The following NDUFAF2 variants were observed in gnomAD, a reference collection of about 807,000 sequenced individuals.
NDUFAF2 encodes the protein NADH dehydrogenase [ubiquinone] 1 alpha subcomplex assembly factor 2.
A neutral mutation model predicts 22.8 loss-of-function variants in NDUFAF2; 13 were observed. That is an observed-to-expected ratio of 0.57 (90% CI 0.37 to 0.91). The LOEUF (loss-of-function observed/expected upper bound fraction) is 0.91. Among genes scored for constraint, NDUFAF2 ranks in the 40% least tolerant of loss-of-function variants. NDUFAF2 has a pLI of 0.01. For missense variants in NDUFAF2, 162 were observed against 195.2 expected (o/e 0.83, Z 1.01); for synonymous variants, 53 against 64.2 (o/e 0.83, Z 0.84).
chr5:60,968,126 A>G (rs995665361), intron 1 of NDUFAF2, among the ~76,000 whole-genome samples: 2 of 151,902 alleles, frequency 1.3e-5, no homozygotes, highest in Non-Finnish European at 2.9e-5. Flanking sequence ...TTGTTGGGAA[A>G]TAAGTGTTCA....
intron 1 of NDUFAF2, among the ~76,000 whole-genome samples, chr5:61,054,373 C>G (rs927757373): frequency 2.0e-5 from 3 of 152,122 alleles, no homozygotes; most frequent in African/African-American, 7.2e-5. Context: ...AAATGCAGTT[C>G]AGGCCTGGGA....
At chr5:60,982,656 C>CT (rs960388217) in intron 1 of NDUFAF2, among the ~76,000 whole-genome samples, 30 of 149,090 alleles carry the variant, frequency 2.0e-4, no homozygotes, top group African/African-American at 7.2e-4. Flanking sequence ...GGTGTTTGGT[C>CT]TTTTGTCCTT....
intron 1 of NDUFAF2, among the ~76,000 whole-genome samples, chr5:61,009,511 C>A (rs1389153376): frequency 6.6e-6 from 1 of 152,198 alleles, no homozygotes; most frequent in East Asian, 1.9e-4. Context: ...CAGAATTAAA[C>A]TAAATCAATT....
At chr5:60,960,572 A>G (rs1750670716) in intron 1 of NDUFAF2, among the ~76,000 whole-genome samples, 2 of 152,188 alleles carry the variant, frequency 1.3e-5, no homozygotes, top group Non-Finnish European at 2.9e-5. Context: ...TTACTCTGCA[A>G]GAGTTGTAAA....
intron 3 of NDUFAF2, among the ~76,000 whole-genome samples, chr5:61,138,896 A>C (rs531531794): frequency 4.6e-5 from 7 of 152,334 alleles, no homozygotes; most frequent in South Asian, 4.1e-4. Flanking sequence ...GGACATATTT[A>C]ATTTAACATG....
chr5:60,995,042 T>G (rs1044669979), intron 1 of NDUFAF2, among the ~76,000 whole-genome samples: 8 of 152,134 alleles, frequency 5.3e-5, no homozygotes, highest in Non-Finnish European at 1.2e-4. Context: ...TTATTCTTTT[T>G]AATTATTTCA....
intron 3 of NDUFAF2, among the ~76,000 whole-genome samples, chr5:61,151,427 T>C (rs1488168229): frequency 6.6e-6 from 1 of 151,952 alleles, no homozygotes; most frequent in Non-Finnish European, 1.5e-5. Flanking sequence ...AATTAGATAA[T>C]ACAGGTAAGC....
chr5:61,093,229 C>T (rs145665538), intron 2 of NDUFAF2, among the ~76,000 whole-genome samples: 64 of 152,274 alleles, frequency 4.2e-4, no homozygotes, highest in African/African-American at 1.5e-3. Flanking sequence ...GTTGTTCTGC[C>T]TCTCCCAGTC....
chr5:60,964,831 CT>C (rs900752816), intron 1 of NDUFAF2, among the ~76,000 whole-genome samples: 2 of 152,132 alleles, frequency 1.3e-5, no homozygotes, highest in Admixed American at 6.5e-5. Flanking sequence ...TGTTCATATC[CT>C]TTGACCAACA....
intron 1 of NDUFAF2, among the ~76,000 whole-genome samples, chr5:61,066,490 C>G (rs887539256): frequency 1.3e-5 from 2 of 151,902 alleles, no homozygotes; most frequent in Non-Finnish European, 2.9e-5. Flanking sequence ...TATTACAGAG[C>G]TATAGTAATC....
chr5:60,986,918 G>C (rs183831382), intron 1 of NDUFAF2, among the ~76,000 whole-genome samples: 3 of 145,082 alleles, frequency 2.1e-5, no homozygotes, highest in Non-Finnish European at 1.5e-5. Context: ...GGCAATAATA[G>C]TGTGAGACTC....
chr5:61,009,334 G>C (rs942822732), intron 1 of NDUFAF2, among the ~76,000 whole-genome samples: 11 of 152,054 alleles, frequency 7.2e-5, no homozygotes, highest in African/African-American at 2.4e-4. Context: ...AATTCTCCAA[G>C]AGGGAAAGTA....
intron 2 of NDUFAF2, among the ~76,000 whole-genome samples, chr5:61,085,167 C>G (rs1259430053): frequency 6.6e-6 from 1 of 152,156 alleles, no homozygotes; most frequent in Non-Finnish European, 1.5e-5. Flanking sequence ...TATTAGCAAC[C>G]TGAATCCAGC....
At chr5:61,021,527 G>A (rs1751583708) in intron 1 of NDUFAF2, among the ~76,000 whole-genome samples, 1 of 152,150 alleles carries the variant, frequency 6.6e-6, no homozygotes, top group Non-Finnish European at 1.5e-5. Flanking sequence ...TTTTTGCCAT[G>A]TAAGGTAACA....
chr5:61,139,182 C>T (rs1741012328), intron 3 of NDUFAF2, among the ~76,000 whole-genome samples: 2 of 152,184 alleles, frequency 1.3e-5, no homozygotes, highest in Admixed American at 6.5e-5. Flanking sequence ...CTGCTCAGGA[C>T]ACTTACATTA....
intron 1 of NDUFAF2, among the ~76,000 whole-genome samples, chr5:60,991,402 T>G (rs1474083355): frequency 1.3e-5 from 2 of 152,128 alleles, no homozygotes; most frequent in Non-Finnish European, 2.9e-5. Flanking sequence ...TAGTAGGTCT[T>G]ATTTATTCTT....
chr5:61,091,301 C>G (rs1340507282), intron 2 of NDUFAF2, among the ~76,000 whole-genome samples: 4 of 152,188 alleles, frequency 2.6e-5, no homozygotes, highest in Non-Finnish European at 5.9e-5. Context: ...ACACTCCCAC[C>G]AACAATGTAT....
intron 1 of NDUFAF2, among the ~76,000 whole-genome samples, chr5:61,001,730 C>T (rs2112591172): frequency 6.6e-6 from 1 of 152,124 alleles, no homozygotes; most frequent in East Asian, 1.9e-4. Flanking sequence ...TGTTCTCTTG[C>T]TCCTTTCTCT....
At chr5:61,119,083 A>G (rs1752946636) in intron 3 of NDUFAF2, among the ~76,000 whole-genome samples, 1 of 152,186 alleles carries the variant, frequency 6.6e-6, no homozygotes, top group Non-Finnish European at 1.5e-5. Context: ...TGATAGAAAA[A>G]CAAGTTACTC....
Sources: gnomAD v4.1 joint callset for allele counts (sites outside exome capture counted in the v4.1 genomes callset) on GRCh38, gnomAD v4.1.1 for gene constraint, MANE v1.5 for transcripts, NCBI Gene and HGNC (gene_info 2026-07-23, HGNC 2026-07-21) for gene names.